KIN: variants seen among roughly 807,000 people sequenced by gnomAD.
KIN encodes the protein Kin17 DNA and RNA binding protein.
In KIN, 47 loss-of-function variants were observed where a neutral mutation model predicts 63.0. The observed-to-expected ratio is 0.75, with a 90% CI of 0.59 to 0.95. The LOEUF is 0.95. Among genes scored for constraint, KIN ranks in the 40% least tolerant of loss-of-function variants. The probability of loss-of-function intolerance (pLI) is 0.00; values close to 1 mark genes in which losing one functional copy is unlikely to be tolerated. For synonymous variants in KIN, 160 were observed against 157.7 expected (o/e 1.01, Z -0.11); for missense variants, 408 against 460.9 (o/e 0.89, Z 1.05).
At chr10:7,756,265 T>C in intron 12 of KIN, 123 bp from the exon 13 acceptor site, 1 of 536,530 alleles carries the variant, frequency 1.9e-6, no homozygotes, top group Non-Finnish European at 3.3e-6. Flanking sequence ...ATTAAGATTG[T>C]TAACATTTGT....
At chr10:7,766,287 A>T (rs182460696) in intron 8 of KIN, 184 bp from the exon 9 acceptor site, 4 of 476,600 alleles carry the variant, frequency 8.4e-6, no homozygotes, top group African/African-American at 4.0e-5. Context: ...TTTTTGATTT[A>T]AAAAAAACTT....
intron 1 of KIN, among the ~76,000 whole-genome samples, chr10:7,785,810 C>G (rs1369484586): frequency 8.4e-6 from 1 of 118,972 alleles, no homozygotes; most frequent in African/African-American, 3.0e-5. Context: ...GAGACTCTGT[C>G]TAGAAAAAAA....
chr10:7,776,665 A>C (rs1158302981), intron 5 of KIN, among the ~76,000 whole-genome samples: 3 of 143,940 alleles, frequency 2.1e-5, no homozygotes, highest in African/African-American at 5.2e-5. Flanking sequence ...TGGGAGGCGG[A>C]GGTTGCAGTG....
At chr10:7,760,319 T>C (rs1232968468) in intron 11 of KIN, among the ~76,000 whole-genome samples, 1 of 152,184 alleles carries the variant, frequency 6.6e-6, no homozygotes, top group Non-Finnish European at 1.5e-5. Context: ...GCTTACTTTG[T>C]CTCTTTGCAA....
intron 11 of KIN, among the ~76,000 whole-genome samples, chr10:7,760,626 G>A (rs932220906): frequency 6.6e-6 from 1 of 152,084 alleles, no homozygotes; most frequent in African/African-American, 2.4e-5. Context: ...AAAATATTTT[G>A]AGAGAAAGAG....
At chr10:7,769,469 C>A in intron 7 of KIN, 124 bp from the exon 8 acceptor site, 1 of 919,836 alleles carries the variant, frequency 1.1e-6, no homozygotes, top group Non-Finnish European at 1.6e-6. Flanking sequence ...TTAGTGAAAA[C>A]CATGGAGTCC....
Position 7,756,006 on chromosome 10 carries a change from G to T in KIN, c.*74C>A. 1 of 817,562 alleles carries T rather than the reference G, an allele frequency of 1.2e-6. No homozygotes were observed. The highest frequency in any genetic ancestry group is 1.6e-5 in the South Asian group (1 of 61,086). 50.6% of individuals were successfully genotyped at this position (817,562 alleles called of 1,614,324 possible). A position where few individuals can be genotyped will look rare whatever the true frequency, so the allele number is the denominator to read the frequency against. On this transcript the variant is annotated 3_prime_UTR_variant, in exon 13 of 13. Transcript: ENST00000379562. ...CAAAAGAATATACCCTAACACAGTA[G>T]AGTCTCATAATGCCTTGGCGAACAC...
chr10:7,761,831 G>A (rs1259420026), intron 11 of KIN, among the ~76,000 whole-genome samples: 1 of 151,850 alleles, frequency 6.6e-6, no homozygotes, highest in African/African-American at 2.4e-5. Flanking sequence ...GTGAAGCCCC[G>A]TCTTTACTAA....
At chr10:7,783,607 G>A (rs1011144637) in intron 1 of KIN, among the ~76,000 whole-genome samples, 3 of 152,056 alleles carry the variant, frequency 2.0e-5, no homozygotes, top group African/African-American at 7.2e-5. Context: ...CTCTACTTCA[G>A]CTCATTATCC....
At position 7,778,949 on chromosome 10, in the gene KIN, G is replaced by T; in HGVS notation, c.447C>A (p.Ile149=). 2 of 1,614,010 alleles carry T rather than the reference G, an allele frequency of 1.2e-6. No individual in the cohort carries two copies. The highest frequency in any genetic ancestry group is 1.7e-6 in the Non-Finnish European group (2 of 1,180,010). The change falls in exon 5 of 13, where the codon ATC becomes ATA. Residue 149 remains isoleucine (I), a synonymous_variant. Transcript: ENST00000379562. ...TTTTCTCCAGTTCCAGTTGCCGGCG[G>T]ATAGTTTCTGGGTCCCTGTCTATGT... The part of the protein sequence containing the change: ...IQYIDRDPET[I]RRQLELEKKK...
chr10:7,769,440 CAT>C (rs1835622827), intron 7 of KIN, 95 bp from the exon 8 acceptor site: 2 of 1,281,662 alleles, frequency 1.6e-6, no homozygotes, highest in Non-Finnish European at 2.2e-6. Context: ...AAATGTGTGA[CAT>C]AGTAATTTAC....
In KIN at chr10:7,774,988, A is replaced by G. The variant is rs1835740370; in HGVS notation, c.608-97T>C. The stretch of plus-strand genomic sequence containing the variant: ...TACAAAGTGTTCACAGAGGAACTCC[A>G]GGACATTTTCAATAAACGAGAGCTA... On this transcript the variant is annotated intron_variant, in intron 6 of 12. Transcript: ENST00000379562. The G allele has an allele frequency of 5.7e-6, 5 of 872,006 alleles. No individual in the cohort carries two copies. The South Asian group carries it at 7.0e-5, about 12-fold the overall frequency. The allele number at this position is 872,006 out of a possible 1,614,324, so 54.0% of individuals were successfully genotyped here. A position where few individuals can be genotyped will look rare whatever the true frequency, so the allele number is the denominator to read the frequency against.
At chr10:7,776,635 AC>A (rs1835779801) in intron 5 of KIN, among the ~76,000 whole-genome samples, 1 of 150,336 alleles carries the variant, frequency 6.7e-6, no homozygotes, top group African/African-American at 2.5e-5. Flanking sequence ...GGAGGCTGAG[AC>A]AGGAGAATTG....
chr10:7,775,268 A>G (rs1018010725), intron 6 of KIN, among the ~76,000 whole-genome samples: 1 of 152,228 alleles, frequency 6.6e-6, no homozygotes, highest in Non-Finnish European at 1.5e-5. Flanking sequence ...ACATAATCCC[A>G]GTGACTGCTT....
chr10:7,759,544 C>A lies in KIN; in HGVS notation c.1119+346G>T, dbSNP rs187828857. On this transcript the variant is annotated intron_variant, in intron 12 of 12. Transcript: ENST00000379562. ...GGGGAAAAAAGGATATAAAACTGTA[C>A]CTATTACACACACTTTCATAAAACA... is the stretch of plus-strand genomic sequence containing the variant. Among the ~76,000 whole-genome samples, 385 of 151,984 alleles carry A rather than the reference C, an allele frequency of 2.5e-3. 2 individuals are homozygous for A. The highest frequency in any genetic ancestry group is 0.014 in the Middle Eastern group (4 of 294).
intron 8 of KIN, among the ~76,000 whole-genome samples, chr10:7,767,548 G>C (rs1835572741): frequency 6.6e-6 from 1 of 152,080 alleles, no homozygotes; most frequent in Admixed American, 6.6e-5. Flanking sequence ...ATGGTGTGAG[G>C]ACTAGGAACA....
intron 4 of KIN, 100 bp from the exon 5 acceptor site, chr10:7,779,119 C>A: frequency 7.4e-7 from 1 of 1,352,198 alleles, no homozygotes; most frequent in Non-Finnish European, 1.0e-6. Context: ...CAAACACACA[C>A]AAATCAGGCC....
intron 7 of KIN, among the ~76,000 whole-genome samples, chr10:7,773,104 A>G (rs1247526546): frequency 6.6e-6 from 1 of 152,216 alleles, no homozygotes; most frequent in East Asian, 1.9e-4. Context: ...GAGAGATGCA[A>G]CCATGAGCCA....
At chr10:7,781,688 G>A (rs111400204) in intron 2 of KIN, among the ~76,000 whole-genome samples, 3,536 of 140,938 alleles carry the variant, frequency 0.025, 154 homozygotes, top group African/African-American at 0.089. Context: ...CAGGAGGATC[G>A]CCTGAGCCCA....
Sources: gnomAD v4.1 joint callset for allele counts (sites outside exome capture counted in the v4.1 genomes callset) on GRCh38, gnomAD v4.1.1 for gene constraint, MANE v1.5 for transcripts, NCBI Gene and HGNC (gene_info 2026-07-23, HGNC 2026-07-21) for gene names.